PSD3: variants seen among roughly 807,000 people sequenced by gnomAD.
PSD3 encodes pleckstrin and Sec7 domain containing 3.
Under a neutral mutation model 105.5 loss-of-function variants are expected in PSD3, and 49 were observed. The observed-to-expected ratio is 0.46, with a 90% CI of 0.37 to 0.59. The LOEUF is 0.59. Ranked by LOEUF, PSD3 falls within the 20% of genes least tolerant of loss-of-function variation. The probability of loss-of-function intolerance (pLI) is 0.00; values close to 1 mark genes in which losing one functional copy is unlikely to be tolerated. For synonymous variants in PSD3, 557 were observed against 457.8 expected, an observed-to-expected ratio of 1.22 and a Z score of -2.77; for missense variants, 1,561 against 1,263.8, an observed-to-expected ratio of 1.24 and a Z score of -3.57.
At position 19,083,754 on chromosome 8, in the gene PSD3, G is replaced by T. The variant is rs540004791; in HGVS notation, c.324+452C>A. Among the ~76,000 whole-genome samples the T allele has an allele frequency of 1.7e-3, 254 of 152,268 alleles. 2 individuals are homozygous for T. The highest frequency in any genetic ancestry group is 5.8e-3 in the African/African-American group (242 of 41,574). ...CTTGTGTTTCTGCAAGGGTGGGGAG[G>T]ATGTTTGCCCAGTCACATCTCCATC... On this transcript the variant is annotated intron_variant, in intron 1 of 1. Coordinates refer to the PSD3 transcript ENST00000521475.
At chr8:18,904,328 G>C (rs752274929) in intron 2 of PSD3, among the ~76,000 whole-genome samples, 46 of 152,278 alleles carry the variant, frequency 3.0e-4, no homozygotes, top group Non-Finnish European at 5.0e-4. Context: ...GCCACTGCCA[G>C]TGTGCACTCT....
At chr8:18,790,523 C>T (rs1357272446) in intron 8 of PSD3, among the ~76,000 whole-genome samples, 3 of 151,976 alleles carry the variant, frequency 2.0e-5, no homozygotes, top group Non-Finnish European at 4.4e-5. Flanking sequence ...AGGATGGTCT[C>T]TATCTCCTGA....
At position 18,949,258 on chromosome 8, in the gene PSD3, T is replaced by A. The variant is rs1408688768; in HGVS notation, c.22-13116A>T. On this transcript the variant is annotated intron_variant, in intron 1 of 15. Coordinates refer to ENST00000327040, the MANE Select transcript of PSD3 (RefSeq NM_015310.4). ...AAAAAAAAAAAAATATATATATATA[T>A]ATATATATATATATATATATTTATA... is the stretch of plus-strand genomic sequence containing the variant. 1.6e-3 allele frequency among the ~76,000 whole-genome samples: 152 copies of A among 96,184 alleles called. 1 individual carries two copies. Among genetic ancestry groups the A allele is most frequent in the African/African-American group, 4.1e-3 (112 of 27,294 alleles). The allele number at this position is 96,184 out of a possible 152,430, so 63.1% of individuals were successfully genotyped here. A position where few individuals can be genotyped will look rare whatever the true frequency, so the allele number is the denominator to read the frequency against.
intron 4 of PSD3, among the ~76,000 whole-genome samples, chr8:18,810,135 C>A (rs1305086558): frequency 6.6e-6 from 1 of 152,178 alleles, no homozygotes; most frequent in East Asian, 1.9e-4. Context: ...ACACTCATCA[C>A]CCCCAGCCCT....
intron 12 of PSD3, among the ~76,000 whole-genome samples, chr8:18,592,324 C>G (rs1803672762): frequency 6.6e-6 from 1 of 151,998 alleles, no homozygotes; most frequent in African/African-American, 2.4e-5. Context: ...TTGAAATTAT[C>G]CACTCAGAGA....
intron 9 of PSD3, among the ~76,000 whole-genome samples, chr8:18,755,893 A>T (rs980739418): frequency 1.4e-4 from 21 of 152,080 alleles, no homozygotes; most frequent in African/African-American, 5.1e-4. Context: ...TCTGCCCATG[A>T]TGAGCACGTG....
intron 4 of PSD3, among the ~76,000 whole-genome samples, chr8:18,852,990 T>C (rs1439372219): frequency 6.6e-6 from 1 of 152,140 alleles, no homozygotes; most frequent in African/African-American, 2.4e-5. Flanking sequence ...TCAGAAGTGG[T>C]TAAGTAACTT....
intron 2 of PSD3, among the ~76,000 whole-genome samples, chr8:18,888,013 T>A: frequency 6.6e-6 from 1 of 152,190 alleles, no homozygotes; most frequent in East Asian, 1.9e-4. Context: ...CGGCTAACGC[T>A]GGCACAACCA....
intron 4 of PSD3, among the ~76,000 whole-genome samples, chr8:18,864,358 C>T (rs1586260882): frequency 6.6e-6 from 1 of 152,150 alleles, no homozygotes; most frequent in Admixed American, 6.5e-5. Context: ...TTCCTTTCTT[C>T]CCCCTATAGC....
chr8:18,632,139 C>T (rs1428040610), intron 11 of PSD3, among the ~76,000 whole-genome samples: 5 of 151,994 alleles, frequency 3.3e-5, no homozygotes, highest in East Asian at 1.9e-4. Context: ...TTCTCAAAGG[C>T]GAGTCATTCC....
chr8:18,913,298 T>C (rs1205141627), intron 2 of PSD3, among the ~76,000 whole-genome samples: 4 of 152,168 alleles, frequency 2.6e-5, no homozygotes, highest in Non-Finnish European at 4.4e-5. Context: ...TATCTCGGGT[T>C]GATTCTTCTA....
At chr8:18,676,363 C>T (rs375928911) in intron 9 of PSD3, among the ~76,000 whole-genome samples, 4 of 152,256 alleles carry the variant, frequency 2.6e-5, no homozygotes, top group South Asian at 2.1e-4. Context: ...AGGAGTGGGA[C>T]GCGGCTTCTC....
chr8:18,534,799 CCACACACGCA>C lies in PSD3; in HGVS notation c.*934_*943del, dbSNP rs1315227133. ...TCACAACCAGGACACAACCCCATGC[CCACACACGCA>C]CACACACGCACGCACACACACATAT... On this transcript the variant is annotated 3_prime_UTR_variant, in exon 16 of 16. Transcript: ENST00000327040. The C allele has an allele frequency of 3.3e-5, 5 of 152,396 alleles. No individual in the cohort carries two copies. Among genetic ancestry groups the C allele is most frequent in the Admixed American group, 6.6e-5 (1 of 15,242 alleles). 9.4% of individuals were successfully genotyped at this position (152,396 alleles called of 1,614,324 possible).
intron 12 of PSD3, among the ~76,000 whole-genome samples, chr8:18,585,244 A>G (rs1312107143): frequency 6.6e-6 from 1 of 152,192 alleles, no homozygotes; most frequent in East Asian, 1.9e-4. Context: ...CTAACTCTTA[A>G]TCATTTCATA....
intron 1 of PSD3, among the ~76,000 whole-genome samples, chr8:18,975,914 G>A (rs1196275051): frequency 6.6e-6 from 1 of 152,032 alleles, no homozygotes; most frequent in African/African-American, 2.4e-5. Flanking sequence ...ATACCCTGAT[G>A]GTCAACCTAC....
intron 9 of PSD3, among the ~76,000 whole-genome samples, chr8:18,749,464 C>T (rs773431303): frequency 6.6e-6 from 1 of 152,256 alleles, no homozygotes. Context: ...TTTAAAGATG[C>T]TGGCCCCCTA....
chr8:19,016,312 G>A (rs1029086670), upstream of PSD3, among the ~76,000 whole-genome samples: 1 of 152,226 alleles, frequency 6.6e-6, no homozygotes, highest in Non-Finnish European at 1.5e-5. Context: ...GAGCCCTAAT[G>A]TATGTGGTGT....
At chr8:19,041,122 C>T (rs1333567861) in intron 1 of PSD3, among the ~76,000 whole-genome samples, 1 of 152,142 alleles carries the variant, frequency 6.6e-6, no homozygotes, top group Non-Finnish European at 1.5e-5. Flanking sequence ...GTCTCCGACT[C>T]CTGGGCTCAA....
intron 1 of PSD3, among the ~76,000 whole-genome samples, chr8:18,947,334 T>C (rs556679070): frequency 6.6e-6 from 1 of 152,348 alleles, no homozygotes; most frequent in South Asian, 2.1e-4. Context: ...CCTCACCCAG[T>C]CATCATGCAG....
Sources: allele counts gnomAD v4.1 joint callset (sites outside exome capture counted in the v4.1 genomes callset), GRCh38; gene constraint gnomAD v4.1.1; transcripts MANE v1.5; gene names NCBI Gene and HGNC (gene_info 2026-07-23, HGNC 2026-07-21).